STARD13: variants seen among roughly 807,000 people sequenced by gnomAD.
STARD13 encodes the protein stAR-related lipid transfer protein 13.
Under a neutral mutation model 106.4 loss-of-function variants are expected in STARD13, and 62 were observed. That is an observed-to-expected ratio of 0.58 (90% CI 0.48 to 0.72). STARD13 has a LOEUF of 0.72. STARD13 is among the 30% of genes least tolerant of loss of function. STARD13 has a pLI of 0.00. For synonymous variants in STARD13, 565 were observed against 553.0 expected, an observed-to-expected ratio of 1.02 and a Z score of -0.31; for missense variants, 1,387 against 1,424.0, an observed-to-expected ratio of 0.97 and a Z score of 0.42.
At chr13:33,539,626 G>A in the STARD13 span, among the ~76,000 whole-genome samples, 5 of 152,152 alleles carry the variant, frequency 3.3e-5, no homozygotes, top group Non-Finnish European at 7.3e-5. Context: ...TTCAATGAAG[G>A]ATAATCTTTT....
chr13:33,467,459 A>G, the STARD13 span, among the ~76,000 whole-genome samples: 3 of 152,048 alleles, frequency 2.0e-5, no homozygotes, highest in African/African-American at 7.2e-5. Context: ...CTTGCCCACC[A>G]TTCACTTCCT....
At chr13:33,388,035 A>G in the STARD13 span, among the ~76,000 whole-genome samples, 7 of 152,304 alleles carry the variant, frequency 4.6e-5, no homozygotes, top group South Asian at 6.2e-4. Flanking sequence ...GGAAGGGGAA[A>G]AGGACAAAAG....
At chr13:33,384,908 A>G in the STARD13 span, among the ~76,000 whole-genome samples, 1 of 152,078 alleles carries the variant, frequency 6.6e-6, no homozygotes, top group Non-Finnish European at 1.5e-5. Flanking sequence ...ATGGAACCAA[A>G]ATGATGGCAG....
At chr13:33,395,469 ATTG>A in the STARD13 span, among the ~76,000 whole-genome samples, 1 of 152,174 alleles carries the variant, frequency 6.6e-6, no homozygotes, top group Admixed American at 6.5e-5. Flanking sequence ...ATGATGCACC[ATTG>A]TTGTAGTGGA....
the STARD13 span, among the ~76,000 whole-genome samples, chr13:33,649,022 G>C: frequency 2.0e-5 from 3 of 151,672 alleles, no homozygotes; most frequent in Non-Finnish European, 2.9e-5. Flanking sequence ...TTGAACTCCC[G>C]ACCTGAGGTG....
chr13:33,178,345 G>GT (rs1040807029), intron 1 of STARD13, among the ~76,000 whole-genome samples: 59 of 152,090 alleles, frequency 3.9e-4, no homozygotes, highest in Admixed American at 1.2e-3. Flanking sequence ...ATAATCATGG[G>GT]TTAAAAATAA....
chr13:33,254,207 A>G (rs977139106), intron 1 of STARD13, among the ~76,000 whole-genome samples: 3 of 152,240 alleles, frequency 2.0e-5, no homozygotes, highest in Non-Finnish European at 2.9e-5. Flanking sequence ...TCAGAGGCAC[A>G]GCATGAGGTC....
intron 1 of STARD13, among the ~76,000 whole-genome samples, chr13:33,196,398 T>A (rs1044523995): frequency 2.6e-5 from 4 of 152,106 alleles, no homozygotes; most frequent in Non-Finnish European, 4.4e-5. Context: ...ATAATAATAA[T>A]AAATACAAAT....
chr13:33,226,324 T>A (rs1888622044), intron 1 of STARD13, among the ~76,000 whole-genome samples: 3 of 152,208 alleles, frequency 2.0e-5, no homozygotes, highest in African/African-American at 7.2e-5. Flanking sequence ...CCCCAACTAA[T>A]CATTCCTTCA....
intron 2 of STARD13, among the ~76,000 whole-genome samples, chr13:33,167,075 G>A (rs77536316): frequency 0.025 from 3,819 of 151,374 alleles, 93 homozygotes; most frequent in African/African-American, 0.061. Context: ...CCTAAAACTC[G>A]GAAGAATAAC....
At chr13:33,676,360 C>A in the STARD13 span, among the ~76,000 whole-genome samples, 1 of 152,316 alleles carries the variant, frequency 6.6e-6, no homozygotes, top group Admixed American at 6.5e-5. Flanking sequence ...AATTTGATCC[C>A]ATTTTTAAGC....
intron 1 of STARD13, among the ~76,000 whole-genome samples, chr13:33,298,636 C>A (rs1340596877): frequency 6.6e-6 from 1 of 152,042 alleles, no homozygotes; most frequent in Non-Finnish European, 1.5e-5. Context: ...TATATATGCA[C>A]ACATACACAC....
the STARD13 span, among the ~76,000 whole-genome samples, chr13:33,497,538 T>C: frequency 5.9e-5 from 9 of 152,188 alleles, no homozygotes; most frequent in Admixed American, 5.9e-4. Context: ...AATCACGCAG[T>C]CACTCCTCCT....
At chr13:33,455,421 C>A in the STARD13 span, among the ~76,000 whole-genome samples, 1 of 152,094 alleles carries the variant, frequency 6.6e-6, no homozygotes, top group Non-Finnish European at 1.5e-5. Context: ...CCCATATTAC[C>A]TTTTACACCC....
chr13:33,399,254 T>C, the STARD13 span, among the ~76,000 whole-genome samples: 1 of 152,132 alleles, frequency 6.6e-6, no homozygotes, highest in East Asian at 1.9e-4. Context: ...CACTGTGTGC[T>C]CTCACTTATA....
intron 4 of STARD13, among the ~76,000 whole-genome samples, chr13:33,131,557 G>A (rs146228499): frequency 8.8e-4 from 134 of 152,054 alleles, no homozygotes; most frequent in African/African-American, 3.0e-3. Flanking sequence ...CACCCCAGCC[G>A]CAGCAACAAA....
chr13:33,381,764 ATAAAT>A, the STARD13 span, among the ~76,000 whole-genome samples: 1 of 152,206 alleles, frequency 6.6e-6, no homozygotes, highest in Non-Finnish European at 1.5e-5. Context: ...AAAACTAAAA[ATAAAT>A]TAAAACATAA....
chr13:33,233,347 A>G (rs1208836255), intron 1 of STARD13, among the ~76,000 whole-genome samples: 2 of 152,088 alleles, frequency 1.3e-5, no homozygotes, highest in African/African-American at 4.8e-5. Context: ...CCTTTTTTGC[A>G]TACTCACAAA....
At chr13:33,558,056 C>T in the STARD13 span, among the ~76,000 whole-genome samples, 1 of 152,066 alleles carries the variant, frequency 6.6e-6, no homozygotes. Flanking sequence ...TTGTAAAAAG[C>T]CAAATGTAGT....
Sources: allele counts gnomAD v4.1 joint callset (sites outside exome capture counted in the v4.1 genomes callset), GRCh38; gene constraint gnomAD v4.1.1; transcripts MANE v1.5; gene names NCBI Gene and HGNC (gene_info 2026-07-23, HGNC 2026-07-21).